HHIP: variants seen among roughly 807,000 people sequenced by gnomAD.
HHIP encodes hedgehog-interacting protein.
A neutral mutation model predicts 74.0 loss-of-function variants in HHIP; 12 were observed. The ratio of observed to expected loss-of-function variants is 0.16; its 90% CI spans 0.10 to 0.26. The LOEUF is 0.26. HHIP is among the 10% of genes least tolerant of loss of function. The pLI, the probability that HHIP is intolerant of heterozygous loss-of-function variation, is 1.00. For synonymous variants in HHIP, 309 were observed against 311.6 expected (o/e 0.99, Z 0.09); for missense variants, 788 against 845.0 (o/e 0.93, Z 0.84).
chr4:144,681,345 T>C (rs2639583), intron 4 of HHIP, among the ~76,000 whole-genome samples: 16,829 of 150,330 alleles, frequency 0.11, 1,016 homozygotes, highest in Middle Eastern at 0.17. Flanking sequence ...AAATATGCAC[T>C]AAACATAAAA....
chr4:144,648,518 T>C (rs1048481358), intron 1 of HHIP: 3 of 152,218 alleles, frequency 2.0e-5, no homozygotes, highest in Non-Finnish European at 2.9e-5. Flanking sequence ...CAAAGCAATG[T>C]CTTTAAGCTC....
At chr4:144,732,312 A>G (rs540347102) in intron 11 of HHIP, among the ~76,000 whole-genome samples, 2 of 152,340 alleles carry the variant, frequency 1.3e-5, no homozygotes, top group African/African-American at 4.8e-5. Context: ...GGGAATTACA[A>G]TGTTTGTATA....
chr4:144,723,216 C>T (rs1423278727), intron 11 of HHIP, among the ~76,000 whole-genome samples: 1 of 152,150 alleles, frequency 6.6e-6, no homozygotes, highest in East Asian at 1.9e-4. Flanking sequence ...CCAAGTCACA[C>T]AGACCATTCC....
At chr4:144,650,458 A>T (rs1052524999) in intron 1 of HHIP, among the ~76,000 whole-genome samples, 10 of 152,168 alleles carry the variant, frequency 6.6e-5, no homozygotes, top group Admixed American at 6.5e-4. Flanking sequence ...GATTGACGGC[A>T]TCATCAGAAA....
At chr4:144,736,022 T>C (rs973255393) in intron 12 of HHIP, among the ~76,000 whole-genome samples, 1 of 152,174 alleles carries the variant, frequency 6.6e-6, no homozygotes, top group Non-Finnish European at 1.5e-5. Context: ...TGTCTTTTTG[T>C]TGGTTGACCA....
At chr4:144,736,085 T>C (rs1172678096) in intron 12 of HHIP, among the ~76,000 whole-genome samples, 1 of 152,072 alleles carries the variant, frequency 6.6e-6, no homozygotes. Context: ...CCTGCTAATT[T>C]ATTATCTCTC....
intron 2 of HHIP, among the ~76,000 whole-genome samples, chr4:144,654,702 T>C (rs984559564): frequency 6.6e-6 from 1 of 152,252 alleles, no homozygotes; most frequent in African/African-American, 2.4e-5. Context: ...GAAGTGTCTT[T>C]ACAATTGTGG....
Position 144,716,924 on chromosome 4 carries a change from TG to T in HHIP, c.1678+1495del, listed in dbSNP as rs1206827029. Among the ~76,000 whole-genome samples, 3 of 138,000 alleles carry T rather than the reference TG, an allele frequency of 2.2e-5. No individual in the cohort carries two copies. In the East Asian group the frequency reaches 6.5e-4, roughly 30 times the overall value. 90.5% of individuals were successfully genotyped at this position (138,000 alleles called of 152,430 possible). On this transcript the variant is annotated intron_variant, in intron 10 of 12. Transcript: ENST00000296575. ...GGTTTGTGTCTGAGTTAGAGATGAATGTTTAAATGTTGTGACTGAATAATTC... is the reference window on the plus strand; with the variant it reads ...GGTTTGTGTCTGAGTTAGAGATGAATTTTAAATGTTGTGACTGAATAATTC...
intron 4 of HHIP, among the ~76,000 whole-genome samples, chr4:144,674,696 G>A (rs1729128558): frequency 6.6e-6 from 1 of 152,082 alleles, no homozygotes; most frequent in Non-Finnish European, 1.5e-5. Context: ...ACCTTTTTAA[G>A]TCTGAAACCA....
At chr4:144,707,000 T>C in intron 5 of HHIP, 87 bp from the exon 6 acceptor site, 2 of 1,146,880 alleles carry the variant, frequency 1.7e-6, no homozygotes, top group Admixed American at 4.0e-5. Flanking sequence ...CAGGAGTTTG[T>C]TTTTTCATTT....
intron 4 of HHIP, among the ~76,000 whole-genome samples, chr4:144,672,261 A>G (rs1729059173): frequency 1.3e-5 from 2 of 152,188 alleles, no homozygotes; most frequent in South Asian, 4.1e-4. Flanking sequence ...CTCATAGGCC[A>G]ATAGGTGCAT....
chr4:144,696,215 A>C (rs1729813403), intron 4 of HHIP, among the ~76,000 whole-genome samples: 1 of 151,882 alleles, frequency 6.6e-6, no homozygotes, highest in Non-Finnish European at 1.5e-5. Flanking sequence ...TTTACCAAGA[A>C]GTTTTCCTTT....
At chr4:144,694,562 G>A (rs575313931) in intron 4 of HHIP, among the ~76,000 whole-genome samples, 12 of 151,656 alleles carry the variant, frequency 7.9e-5, no homozygotes, top group Non-Finnish European at 1.6e-4. Flanking sequence ...GCCACACATC[G>A]TAAAAACCAA....
Position 144,652,605 on chromosome 4 carries a change from A to G in HHIP, c.280A>G (p.Ile94Val), listed in dbSNP as rs1447870604. 3.1e-6 allele frequency: 5 copies of G among 1,591,526 alleles called. No homozygotes were observed. The Admixed American group carries it at 7.2e-5, about 23-fold the overall frequency. Reference sequence around the variant, plus strand: ...TTTGCTTCTGATTTATGGCTTTCAGATATTTTCTGTTACCAACAACACAGA... The same window carrying G: ...TTTGCTTCTGATTTATGGCTTTCAGGTATTTTCTGTTACCAACAACACAGA... ...SPGLGRLENKIFSVTNNTECG... is the reference protein window; with the variant it reads ...SPGLGRLENKVFSVTNNTECG... The change falls in exon 2 of 13, where the codon ATA becomes GTA. Residue 94 changes from isoleucine (I) to valine (V), a missense_variant and splice_region_variant. Transcript: ENST00000296575.
intron 8 of HHIP, 55 bp from the exon 9 acceptor site, chr4:144,714,170 C>T: frequency 6.7e-7 from 1 of 1,491,884 alleles, no homozygotes; most frequent in Non-Finnish European, 9.3e-7. Flanking sequence ...GGTGTACATT[C>T]CTTTTACTTT....
intron 2 of HHIP, among the ~76,000 whole-genome samples, chr4:144,653,556 G>C (rs1192419611): frequency 6.6e-6 from 1 of 152,004 alleles, no homozygotes; most frequent in Non-Finnish European, 1.5e-5. Context: ...TGTTGCTTTA[G>C]TTGGAAGACT....
chr4:144,668,044 G>A (rs953522234), intron 4 of HHIP, among the ~76,000 whole-genome samples: 4 of 151,988 alleles, frequency 2.6e-5, no homozygotes, highest in Non-Finnish European at 5.9e-5. Context: ...CAGGCCAGGC[G>A]CAGTGGCTCA....
intron 4 of HHIP, among the ~76,000 whole-genome samples, chr4:144,662,945 C>T (rs1728753797): frequency 6.6e-6 from 1 of 152,144 alleles, no homozygotes; most frequent in African/African-American, 2.4e-5. Flanking sequence ...TCTAATGATA[C>T]TGTGAAGAAT....
intron 7 of HHIP, among the ~76,000 whole-genome samples, chr4:144,709,667 G>A (rs1056543620): frequency 6.6e-6 from 1 of 152,162 alleles, no homozygotes; most frequent in African/African-American, 2.4e-5. Context: ...CTTTTATTAA[G>A]CACTTGCTGT....
Sources: gnomAD v4.1 joint callset for allele counts (sites outside exome capture counted in the v4.1 genomes callset) on GRCh38, gnomAD v4.1.1 for gene constraint, MANE v1.5 for transcripts, NCBI Gene and HGNC (gene_info 2026-07-23, HGNC 2026-07-21) for gene names.